Variants in ZFAND3 observed in about 807,000 individuals in gnomAD.
ZFAND3 encodes zinc finger AN1-type containing 3.
A neutral mutation model predicts 29.6 loss-of-function variants in ZFAND3; 10 were observed. The ratio of observed to expected loss-of-function variants is 0.34; its 90% CI spans 0.21 to 0.57. ZFAND3 has a LOEUF of 0.57. Ranked by LOEUF, ZFAND3 falls within the 20% of genes least tolerant of loss-of-function variation. ZFAND3 has a pLI of 0.86. For synonymous variants in ZFAND3, 128 were observed against 112.6 expected (o/e 1.14, Z -0.87); for missense variants, 230 against 304.5 (o/e 0.76, Z 1.82).
At chr6:37,965,817 AATGGCATGATC>A (rs1762282335) in intron 2 of ZFAND3, among the ~76,000 whole-genome samples, 2 of 152,260 alleles carry the variant, frequency 1.3e-5, no homozygotes, top group East Asian at 3.9e-4. Flanking sequence ...GCTGGAGTGC[AATGGCATGATC>A]ATGGCTCACT....
At chr6:37,857,727 T>C (rs926775727) in intron 1 of ZFAND3, among the ~76,000 whole-genome samples, 9 of 152,210 alleles carry the variant, frequency 5.9e-5, no homozygotes, top group Admixed American at 2.0e-4. Flanking sequence ...TAGCCTAATA[T>C]GGTCTAATCT....
intron 1 of ZFAND3, among the ~76,000 whole-genome samples, chr6:37,872,101 C>T (rs554402637): frequency 6.6e-6 from 1 of 152,292 alleles, no homozygotes; most frequent in Non-Finnish European, 1.5e-5. Context: ...CTGATAGAAT[C>T]ACTCTGAACT....
At chr6:38,047,860 C>T (rs1274397904) in intron 2 of ZFAND3, among the ~76,000 whole-genome samples, 5 of 152,010 alleles carry the variant, frequency 3.3e-5, no homozygotes, top group African/African-American at 1.2e-4. Context: ...TGTTATAAAG[C>T]CTGTAGATTA....
chr6:37,871,720 C>G (rs971126191), intron 1 of ZFAND3, among the ~76,000 whole-genome samples: 3 of 152,266 alleles, frequency 2.0e-5, no homozygotes, highest in African/African-American at 7.2e-5. Flanking sequence ...CTGCATAGAT[C>G]ACCTTTTCTC....
intron 1 of ZFAND3, among the ~76,000 whole-genome samples, chr6:37,923,669 C>T (rs920003989): frequency 1.3e-5 from 2 of 152,184 alleles, no homozygotes; most frequent in African/African-American, 4.8e-5. Context: ...ACTGACAGCA[C>T]AGTTGGTTTG....
Position 37,889,207 on chromosome 6 carries a change from GA to G in ZFAND3, c.72-40745del, listed in dbSNP as rs550513809. On this transcript the variant is annotated intron_variant, in intron 1 of 5. Coordinates refer to ENST00000287218, the MANE Select transcript of ZFAND3 (RefSeq NM_021943.3). ...CATCCAAAGCTAGAGGAAGACGGAG[GA>G]AAAAAAGGAAGCTTTCCTTCGTCTC... is the stretch of plus-strand genomic sequence containing the variant. Among the ~76,000 whole-genome samples the G allele has an allele frequency of 1.4e-3, 209 of 151,906 alleles. No homozygotes were observed. The Middle Eastern group carries it at 0.017, about 12-fold the overall frequency.
chr6:37,890,210 A>G (rs1158842223), intron 1 of ZFAND3, among the ~76,000 whole-genome samples: 1 of 152,192 alleles, frequency 6.6e-6, no homozygotes, highest in Non-Finnish European at 1.5e-5. Flanking sequence ...AAGTTTATAC[A>G]TGTATGTTTA....
chr6:37,990,858 A>G (rs1453576916), intron 2 of ZFAND3, among the ~76,000 whole-genome samples: 3 of 151,958 alleles, frequency 2.0e-5, no homozygotes, highest in African/African-American at 7.3e-5. Flanking sequence ...CCTCTTGGCC[A>G]CCTCCATTAC....
chr6:38,001,067 T>G (rs768352008), intron 2 of ZFAND3, among the ~76,000 whole-genome samples: 2 of 152,214 alleles, frequency 1.3e-5, no homozygotes, highest in Non-Finnish European at 2.9e-5. Context: ...GGTTGAAGAA[T>G]GCAGGGTAAT....
At chr6:37,868,654 C>T (rs536291356) in intron 1 of ZFAND3, among the ~76,000 whole-genome samples, 2 of 152,254 alleles carry the variant, frequency 1.3e-5, no homozygotes, top group East Asian at 3.9e-4. Context: ...AAGATCTCTC[C>T]TGCAGTATTA....
intron 4 of ZFAND3, among the ~76,000 whole-genome samples, chr6:38,114,928 C>T (rs1481877316): frequency 6.6e-6 from 1 of 152,030 alleles, no homozygotes; most frequent in Non-Finnish European, 1.5e-5. Flanking sequence ...TCTTTTAGGG[C>T]ATAATGTTAA....
At chr6:37,855,857 A>G (rs1014431573) in intron 1 of ZFAND3, among the ~76,000 whole-genome samples, 8 of 152,194 alleles carry the variant, frequency 5.3e-5, no homozygotes, top group African/African-American at 1.9e-4. Context: ...AACTTTATAA[A>G]ATAACGACAT....
chr6:38,051,324 A>G (rs1194645715), intron 2 of ZFAND3, among the ~76,000 whole-genome samples: 1 of 152,206 alleles, frequency 6.6e-6, no homozygotes, highest in East Asian at 1.9e-4. Flanking sequence ...AGTGATCTAA[A>G]AAGGGGGGTG....
At chr6:38,103,484 CATATAT>C (rs1491153035) in intron 4 of ZFAND3, among the ~76,000 whole-genome samples, 11 of 5,456 alleles carry the variant, frequency 2.0e-3, no homozygotes, top group African/African-American at 5.4e-3. Flanking sequence ...TATATACACA[CATATAT>C]ACACGTGTAT....
intron 2 of ZFAND3, among the ~76,000 whole-genome samples, chr6:38,010,960 T>G (rs1026440259): frequency 1.3e-5 from 2 of 150,462 alleles, no homozygotes; most frequent in Non-Finnish European, 3.0e-5. Context: ...CACAGCCTGG[T>G]CTTGAACTCT....
chr6:38,130,959 T>G (rs915356492), intron 5 of ZFAND3, among the ~76,000 whole-genome samples: 1 of 152,164 alleles, frequency 6.6e-6, no homozygotes, highest in Non-Finnish European at 1.5e-5. Context: ...TGTTGATATA[T>G]TTTTAATTAG....
chr6:38,098,990 C>T (rs562392761), intron 4 of ZFAND3, among the ~76,000 whole-genome samples: 3 of 152,076 alleles, frequency 2.0e-5, no homozygotes, highest in East Asian at 3.9e-4. Flanking sequence ...TAAATATTTC[C>T]GTATGTATTG....
intron 1 of ZFAND3, among the ~76,000 whole-genome samples, chr6:37,846,196 C>T (rs1261744263): frequency 6.6e-6 from 1 of 152,136 alleles, no homozygotes; most frequent in Non-Finnish European, 1.5e-5. Context: ...ATCTTTAGTT[C>T]CACCACAGTG....
chr6:37,856,569 C>T (rs1764387536), intron 1 of ZFAND3, among the ~76,000 whole-genome samples: 1 of 152,184 alleles, frequency 6.6e-6, no homozygotes, highest in Non-Finnish European at 1.5e-5. Flanking sequence ...GGGGCACCCT[C>T]CACTCCACCT....
Sources: gnomAD v4.1 joint callset for allele counts (sites outside exome capture counted in the v4.1 genomes callset) on GRCh38, gnomAD v4.1.1 for gene constraint, MANE v1.5 for transcripts, NCBI Gene and HGNC (gene_info 2026-07-23, HGNC 2026-07-21) for gene names.